ZNF69: variants seen among roughly 807,000 people sequenced by gnomAD.
ZNF69 encodes the protein zinc finger protein 69.
Under a neutral mutation model 50.9 loss-of-function variants are expected in ZNF69, and 47 were observed. That is an observed-to-expected ratio of 0.92 (90% CI 0.73 to 1.18). The LOEUF is 1.18. Ranked by LOEUF, ZNF69 falls within the 50% of genes most tolerant of loss-of-function variation. The pLI is 0.00. For missense variants in ZNF69, 717 were observed against 675.1 expected (o/e 1.06, Z -0.69); for synonymous variants, 216 against 223.1 (o/e 0.97, Z 0.29).
chr19:11,925,556 AGAT>A, the ZNF69 span, among the ~76,000 whole-genome samples: 1 of 152,090 alleles, frequency 6.6e-6, no homozygotes, highest in African/African-American at 2.4e-5. Flanking sequence ...GCGTCTCCCC[AGAT>A]TGTGCGGAAG....
At chr19:11,945,860 A>G in the ZNF69 span, among the ~76,000 whole-genome samples, 3 of 152,072 alleles carry the variant, frequency 2.0e-5, no homozygotes, top group Non-Finnish European at 2.9e-5. Flanking sequence ...TCGGGCATGT[A>G]CAAGAACTGG....
the ZNF69 span, among the ~76,000 whole-genome samples, chr19:11,930,088 C>T: frequency 6.8e-6 from 1 of 148,026 alleles, no homozygotes; most frequent in South Asian, 2.1e-4. Flanking sequence ...AGTGGGGCCT[C>T]CCAAGGGAGC....
chr19:11,940,888 A>G, the ZNF69 span, among the ~76,000 whole-genome samples: 1 of 152,190 alleles, frequency 6.6e-6, no homozygotes. Flanking sequence ...AGGCCCCACC[A>G]GAATAGCTAG....
the ZNF69 span, among the ~76,000 whole-genome samples, chr19:11,940,283 G>C: frequency 6.6e-6 from 1 of 152,150 alleles, no homozygotes; most frequent in African/African-American, 2.4e-5. Context: ...GTCCGGAATT[G>C]GTGGGTTCTT....
At chr19:11,897,319 C>T (rs1482953413) in intron 1 of ZNF69, among the ~76,000 whole-genome samples, 3 of 152,040 alleles carry the variant, frequency 2.0e-5, no homozygotes, top group African/African-American at 4.8e-5. Flanking sequence ...TGCACTCCAG[C>T]CTGGGCAACA....
At chr19:11,945,579 T>G in the ZNF69 span, among the ~76,000 whole-genome samples, 2 of 152,110 alleles carry the variant, frequency 1.3e-5, no homozygotes, top group Non-Finnish European at 2.9e-5. Flanking sequence ...GGCCCCAGGC[T>G]TAACTTCTGT....
chr19:11,926,862 G>C, the ZNF69 span, among the ~76,000 whole-genome samples: 2 of 152,270 alleles, frequency 1.3e-5, no homozygotes, highest in African/African-American at 4.8e-5. Context: ...GTTTATTCAA[G>C]CGGAAGGATA....
chr19:11,948,564 C>T, the ZNF69 span: 2 of 1,607,524 alleles, frequency 1.2e-6, no homozygotes, highest in East Asian at 2.2e-5. Flanking sequence ...ATCGCCCATC[C>T]ATTAGAACAC....
downstream of ZNF69, among the ~76,000 whole-genome samples, chr19:11,909,437 A>G (rs902135446): frequency 5.9e-5 from 9 of 152,168 alleles, no homozygotes; most frequent in Non-Finnish European, 8.8e-5. Flanking sequence ...CTGGCAAACC[A>G]AATCCAGCAG....
chr19:11,974,405 C>T, the ZNF69 span, among the ~76,000 whole-genome samples: 60 of 151,550 alleles, frequency 4.0e-4, no homozygotes, highest in South Asian at 6.9e-3. Context: ...CCATGTTGGC[C>T]GGGGTGGTCT....
the ZNF69 span, among the ~76,000 whole-genome samples, chr19:11,938,104 T>C: frequency 6.6e-6 from 1 of 152,006 alleles, no homozygotes; most frequent in Non-Finnish European, 1.5e-5. Flanking sequence ...AGTCTCACTC[T>C]GTCATCCAGG....
chr19:11,933,484 A>T, the ZNF69 span, among the ~76,000 whole-genome samples: 3 of 147,842 alleles, frequency 2.0e-5, no homozygotes, highest in Non-Finnish European at 4.4e-5. Context: ...AGCGTGTCAC[A>T]GGCCTCAAAA....
At chr19:11,889,798 G>T (rs1038364670) in intron 1 of ZNF69, among the ~76,000 whole-genome samples, 1 of 152,154 alleles carries the variant, frequency 6.6e-6, no homozygotes, top group African/African-American at 2.4e-5. Context: ...AGTATTTATT[G>T]ATCACTATTT....
At chr19:11,927,381 T>G in the ZNF69 span, among the ~76,000 whole-genome samples, 3 of 150,452 alleles carry the variant, frequency 2.0e-5, no homozygotes, top group African/African-American at 7.4e-5. Flanking sequence ...AGGAAAGAGG[T>G]CAAGACCAAC....
At chr19:11,950,119 A>G in the ZNF69 span, 2 of 1,614,208 alleles carry the variant, frequency 1.2e-6, no homozygotes, top group Non-Finnish European at 1.7e-6. Context: ...AAGAACACAC[A>G]TTGGAGAGAA....
chr19:11,931,638 A>T, the ZNF69 span, among the ~76,000 whole-genome samples: 1 of 148,442 alleles, frequency 6.7e-6, no homozygotes, highest in Non-Finnish European at 1.5e-5. Context: ...TGTAAATTTC[A>T]TAAAATATAA....
chr19:11,929,620 G>A, the ZNF69 span, among the ~76,000 whole-genome samples: 4 of 147,910 alleles, frequency 2.7e-5, no homozygotes, highest in Non-Finnish European at 4.4e-5. Context: ...GGGTCCTTAG[G>A]TAGGACCTTA....
the ZNF69 span, among the ~76,000 whole-genome samples, chr19:11,921,846 T>G: frequency 6.6e-6 from 1 of 152,136 alleles, no homozygotes; most frequent in Non-Finnish European, 1.5e-5. Context: ...AACGTTCAAG[T>G]TATTATCTAT....
intron 1 of ZNF69, among the ~76,000 whole-genome samples, chr19:11,894,302 T>C (rs535065707): frequency 4.2e-4 from 64 of 152,264 alleles, no homozygotes; most frequent in African/African-American, 1.5e-3. Flanking sequence ...CCTGAGTAGC[T>C]GGGACTACAG....
Sources: allele counts gnomAD v4.1 joint callset (sites outside exome capture counted in the v4.1 genomes callset), GRCh38; gene constraint gnomAD v4.1.1; transcripts MANE v1.5; gene names NCBI Gene and HGNC (gene_info 2026-07-23, HGNC 2026-07-21).